Variants in SAXO1 observed in about 807,000 individuals in gnomAD.
SAXO1 encodes 4930500O09Rik.
Under a neutral mutation model 17.5 loss-of-function variants are expected in SAXO1, and 21 were observed. The ratio of observed to expected loss-of-function variants is 1.20; its 90% confidence interval spans 0.85 to 1.72. SAXO1 has a LOEUF of 1.72. Ranked by LOEUF, SAXO1 falls within the 40% of genes most tolerant of loss-of-function variation. The pLI is 0.00. For missense variants in SAXO1, 843 were observed against 596.0 expected (o/e 1.41, Z -4.32); for synonymous variants, 274 against 216.5 (o/e 1.27, Z -2.33).
intron 1 of SAXO1, among the ~76,000 whole-genome samples, chr9:19,009,829 TTC>T (rs1473630085): frequency 1.0e-5 from 1 of 97,014 alleles, no homozygotes; most frequent in Non-Finnish European, 2.6e-5. Context: ...TTTTGGGGTT[TTC>T]TTTTTTTTTT....
In SAXO1 at chr9:19,000,840, A is replaced by G. The variant is rs1333442348; in HGVS notation, c.38+32031T>C. On this transcript the variant is annotated intron_variant, in intron 1 of 3. Transcript: ENST00000380534. The stretch of plus-strand genomic sequence containing the variant: ...CCAACAAAGATCAAAAGAGACAAAG[A>G]AGGCCATTACATAATGCTAAAGGGA... Among the ~76,000 whole-genome samples the G allele has an allele frequency of 2.6e-5, 4 of 152,254 alleles. No individual in the cohort carries two copies. In the East Asian group the frequency reaches 7.7e-4, roughly 29 times the overall value.
At chr9:18,944,430 G>A (rs975512169) in intron 2 of SAXO1, among the ~76,000 whole-genome samples, 26 of 152,122 alleles carry the variant, frequency 1.7e-4, no homozygotes, top group African/African-American at 5.3e-4. Context: ...TTAAATTCAC[G>A]TAAAAGAAAA....
chr9:19,014,563 C>T (rs921992608), intron 1 of SAXO1, among the ~76,000 whole-genome samples: 7 of 150,328 alleles, frequency 4.7e-5, no homozygotes, highest in African/African-American at 1.7e-4. Flanking sequence ...TCGGAAATAT[C>T]ACTGACTAGC....
intron 1 of SAXO1, among the ~76,000 whole-genome samples, chr9:18,996,744 T>C (rs73433231): frequency 0.059 from 8,927 of 152,220 alleles, 868 homozygotes; most frequent in African/African-American, 0.2. Flanking sequence ...TACTTAATGA[T>C]GAAAAACTGA....
chr9:18,987,363 A>C (rs1052874267), intron 1 of SAXO1, among the ~76,000 whole-genome samples: 1 of 152,188 alleles, frequency 6.6e-6, no homozygotes, highest in African/African-American at 2.4e-5. Flanking sequence ...CCATGGCACA[A>C]AGGGAGCCTT....
At chr9:19,007,353 A>T (rs1834527350) in intron 1 of SAXO1, among the ~76,000 whole-genome samples, 1 of 152,238 alleles carries the variant, frequency 6.6e-6, no homozygotes, top group Admixed American at 6.5e-5. Flanking sequence ...CTCAAAAAAA[A>T]ATGAAAAAAT....
chr9:19,045,067 T>C (rs1270120872), intron 1 of SAXO1, among the ~76,000 whole-genome samples: 1 of 151,366 alleles, frequency 6.6e-6, no homozygotes, highest in Non-Finnish European at 1.5e-5. Flanking sequence ...TCCCAGCACT[T>C]TGGGAGGCCG....
At chr9:18,966,785 C>G (rs1031422226) in intron 1 of SAXO1, among the ~76,000 whole-genome samples, 1 of 152,136 alleles carries the variant, frequency 6.6e-6, no homozygotes, top group Non-Finnish European at 1.5e-5. Context: ...TGTTCCTTTA[C>G]TGGTGAGGAG....
Position 18,980,561 on chromosome 9 carries a change from A to AGAG in SAXO1, c.39-29627_39-29625dup, listed in dbSNP as rs1221483483. Among the ~76,000 whole-genome samples, 10 of 134,360 alleles carry AGAG rather than the reference A, an allele frequency of 7.4e-5. No homozygotes were observed. The East Asian group carries it at 1.1e-3, about 15-fold the overall frequency. 88.1% of individuals were successfully genotyped at this position (134,360 alleles called of 152,430 possible). On this transcript the variant is annotated intron_variant, in intron 1 of 3. Transcript: ENST00000380534. ...GGGAGGGAGGGAGGGAAGAGGAAGA[A>AGAG]GAGGAGGAGGAGGAGGAGGAGGAGG...
Position 18,928,946 on chromosome 9 carries a change from G to T in SAXO1, c.531C>A (p.Tyr177Ter), listed in dbSNP as rs767381951. ...FDNRTTHQDDYPIKGLVKTIS... is the reference protein window; with the variant it reads ...FDNRTTHQDD Reference sequence around the variant, plus strand: ...TGGTCTTCACAAGGCCTTTTATGGGGTAATCGTCCTGGTGTGTGGTTCTGT... The same window carrying T: ...TGGTCTTCACAAGGCCTTTTATGGGTTAATCGTCCTGGTGTGTGGTTCTGT... Residue 177 changes from tyrosine (Y) to a stop codon, truncating the protein, a stop_gained, in exon 4 of 4, where the codon TAC becomes TAA. Transcript: ENST00000380534. LOFTEE classifies it low-confidence loss of function (END_TRUNC). 6.2e-7 allele frequency: 1 copy of T among 1,614,082 alleles called. No homozygotes were observed. Among genetic ancestry groups the T allele is most frequent in the African/African-American group, 1.3e-5 (1 of 74,930 alleles).
intron 1 of SAXO1, among the ~76,000 whole-genome samples, chr9:19,003,098 A>T (rs1425451588): frequency 6.6e-6 from 1 of 152,200 alleles, no homozygotes; most frequent in Non-Finnish European, 1.5e-5. Flanking sequence ...ATACACAAAG[A>T]ACAGACAAAC....
chr9:19,041,436 A>C (rs916175753), intron 1 of SAXO1, among the ~76,000 whole-genome samples: 1 of 152,214 alleles, frequency 6.6e-6, no homozygotes, highest in Non-Finnish European at 1.5e-5. Context: ...GCAGAAATAG[A>C]AAAAACAATC....
At chr9:19,028,150 C>A in intron 1 of SAXO1, 1 of 1,538,388 alleles carries the variant, frequency 6.5e-7, no homozygotes, top group Non-Finnish European at 9.0e-7. Context: ...GGCAGGCCAG[C>A]CCCGGACTCG....
intron 1 of SAXO1, among the ~76,000 whole-genome samples, chr9:19,018,246 T>G (rs997062341): frequency 9.2e-5 from 14 of 152,116 alleles, no homozygotes; most frequent in Admixed American, 2.0e-4. Context: ...TACTATATCA[T>G]GTAAAGTTAT....
chr9:18,972,248 A>G (rs558554112), intron 1 of SAXO1, among the ~76,000 whole-genome samples: 1 of 152,358 alleles, frequency 6.6e-6, no homozygotes, highest in African/African-American at 2.4e-5. Context: ...TTTACAAAAA[A>G]TAAGATTCAC....
rs546995364 is a variant in SAXO1 at position 18,987,889 on chromosome 9, C to T, written c.39-36952G>A. 6.3e-5 allele frequency among the ~76,000 whole-genome samples: 9 copies of T among 142,396 alleles called. No homozygotes were observed. The East Asian group carries it at 1.4e-3, about 23-fold the overall frequency. The allele number at this position is 142,396 out of a possible 152,430, so 93.4% of individuals were successfully genotyped here. On this transcript the variant is annotated intron_variant, in intron 1 of 3. Coordinates refer to ENST00000380534, the MANE Select transcript of SAXO1 (RefSeq NM_153707.4). ...TATAACCTGGGCAACAGAGTGAGAC[C>T]CTGTCTCAAAAAAAAAAAAAGAAAA...
In SAXO1 at chr9:18,929,053, C is replaced by A; in HGVS notation, c.424G>T (p.Asp142Tyr). 6.2e-7 allele frequency: 1 copy of A among 1,613,380 alleles called. No homozygotes were observed. Reference protein sequence around the residue: ...KMECLPTYKADYLPWNQPRRE... With the variant: ...KMECLPTYKAYYLPWNQPRRE... ...CTTGGTTGGTTCCAAGGCAAATAAT[C>A]AGCTGAAATTAAAGCAGAAGAGGTA... The change falls in exon 4 of 4, where the codon GAT becomes TAT. Residue 142 changes from aspartate to tyrosine, a missense_variant and splice_region_variant. By Grantham distance (160) the Asp-to-Tyr change is radical. Transcript: ENST00000380534.
Position 19,006,783 on chromosome 9 carries a change from T to G in SAXO1, c.38+26088A>C, listed in dbSNP as rs574490763. ...AAATGAGGCCAGGTGTGGTGGCTCA[T>G]GCCTATAATCCTAGCCCTCTGGGAG... is the stretch of plus-strand genomic sequence containing the variant. On this transcript the variant is annotated intron_variant, in intron 1 of 3. Coordinates refer to ENST00000380534, the MANE Select transcript of SAXO1 (RefSeq NM_153707.4). Among the ~76,000 whole-genome samples, 23 of 152,312 alleles carry G rather than the reference T, an allele frequency of 1.5e-4. 1 individual carries two copies. Among genetic ancestry groups the G allele is most frequent in the Admixed American group, 6.5e-4 (10 of 15,306 alleles).
chr9:19,024,961 G>A (rs1321849796), intron 1 of SAXO1, among the ~76,000 whole-genome samples: 1 of 152,148 alleles, frequency 6.6e-6, no homozygotes, highest in African/African-American at 2.4e-5. Flanking sequence ...CTATAAGGTC[G>A]AATAGATCAT....
Sources: allele counts gnomAD v4.1 joint callset (sites outside exome capture counted in the v4.1 genomes callset), GRCh38; gene constraint gnomAD v4.1.1; transcripts MANE v1.5; gene names NCBI Gene and HGNC (gene_info 2026-07-23, HGNC 2026-07-21).